The following PPFIA4 variants were observed in gnomAD, a reference collection of about 807,000 sequenced individuals.
PPFIA4 encodes the protein liprin-alpha-4.
PPFIA4 carries 98 observed loss-of-function variants against 145.7 expected under a neutral mutation model. The ratio of observed to expected loss-of-function variants is 0.67; its 90% CI spans 0.57 to 0.80. PPFIA4 has a LOEUF of 0.80. Ranked by LOEUF, PPFIA4 falls within the 30% of genes least tolerant of loss-of-function variation. The probability of loss-of-function intolerance (pLI) is 0.00; values close to 1 mark genes in which losing one functional copy is unlikely to be tolerated. For missense variants in PPFIA4, 1,457 were observed against 1,632.7 expected (o/e 0.89, Z 1.85); for synonymous variants, 628 against 649.6 (o/e 0.97, Z 0.51).
chr1:203,076,253 G>A (rs1662532806), intron 29 of PPFIA4, 88 bp from the exon 30 acceptor site: 5 of 1,424,656 alleles, frequency 3.5e-6, no homozygotes, highest in South Asian at 3.5e-5. Flanking sequence ...ACGCTGCGTT[G>A]CCGCTGTCGC....
intron 23 of PPFIA4, chr1:203,061,411 G>A (rs1467809137): frequency 2.0e-6 from 1 of 512,546 alleles, no homozygotes; most frequent in Non-Finnish European, 3.5e-6. Context: ...ATCTTGCCTG[G>A]CTCCCAGTCA....
chr1:203,045,694 G>C, intron 7 of PPFIA4, 135 bp downstream of exon 7: 2 of 1,456,114 alleles, frequency 1.4e-6, no homozygotes, highest in Non-Finnish European at 1.8e-6. Flanking sequence ...GGTCATGGAA[G>C]GGGTGGGCCA....
chr1:203,075,759 T>G lies in PPFIA4; in HGVS notation c.3574+2T>G. The G allele has an allele frequency of 1.5e-6, 2 of 1,361,908 alleles. No individual in the cohort carries two copies. Among genetic ancestry groups the G allele is most frequent in the Non-Finnish European group, 1.9e-6 (2 of 1,051,584 alleles). The allele number at this position is 1,361,908 out of a possible 1,614,324, so 84.4% of individuals were successfully genotyped here. ...CGCCAAAGAAGATCATGCCTGAAGG[T>G]GAGTAACAGGCGGGCTGGGCATGGC... is the stretch of plus-strand genomic sequence containing the variant. On this transcript the variant is annotated splice_donor_variant, in intron 29 of 29. Transcript: ENST00000295706. LOFTEE classifies it high-confidence loss of function. This position sits in a 1 kb window ranked among gnomAD's most constrained non-coding sequence, Gnocchi z 4.1.
intron 13 of PPFIA4, 160 bp from the exon 14 acceptor site, chr1:203,051,609 G>A (rs1306241816): frequency 1.5e-6 from 2 of 1,359,664 alleles, no homozygotes; most frequent in Admixed American, 5.4e-5. Context: ...CTGCTCTCTT[G>A]CTTACACGGC....
intron 15 of PPFIA4, 120 bp downstream of exon 15, chr1:203,054,081 C>A: frequency 8.6e-7 from 1 of 1,159,234 alleles, no homozygotes; most frequent in Non-Finnish European, 1.2e-6. Flanking sequence ...TACCACAGTT[C>A]AGGGACCCTC....
chr1:203,059,379 G>A, intron 20 of PPFIA4, 108 bp downstream of exon 20: 3 of 980,104 alleles, frequency 3.1e-6, no homozygotes, highest in Non-Finnish European at 4.7e-6. Context: ...CCCCAGCAAG[G>A]CCCTTCCTGA....
intron 7 of PPFIA4, 138 bp from the exon 8 acceptor site, chr1:203,045,703 C>T: frequency 1.4e-6 from 2 of 1,469,462 alleles, no homozygotes; most frequent in Non-Finnish European, 1.8e-6. Context: ...AGGGGTGGGC[C>T]AAAGCCAGAA....
In PPFIA4 at chr1:203,076,357, C is replaced by G. The variant is rs1445500185; in HGVS notation, c.3591C>G (p.Leu1197=). 6.2e-7 allele frequency: 1 copy of G among 1,607,410 alleles called. No individual in the cohort carries two copies. Among genetic ancestry groups the G allele is most frequent in the East Asian group, 2.2e-5 (1 of 44,882 alleles). ...KIMPEAHSHY[L]YGHMLSAFRD ...CTCCCTCAGCTCACTCCCACTATCT[C>G]TACGGACACATGCTCTCCGCCTTCC... The change falls in exon 30 of 30, where the codon CTC becomes CTG. Residue 1197 remains leucine, a synonymous_variant. Coordinates refer to ENST00000295706, the MANE Select transcript of PPFIA4 (RefSeq NM_001304331.2).
At chr1:203,062,667 G>A (rs1045707030) in intron 24 of PPFIA4, among the ~76,000 whole-genome samples, 1 of 152,054 alleles carries the variant, frequency 6.6e-6, no homozygotes, top group Non-Finnish European at 1.5e-5. Context: ...CTTGGCAGAG[G>A]TGATGGGTCG....
In PPFIA4 at chr1:203,071,701, G is replaced by A. The variant is rs1223481866; in HGVS notation, c.3334G>A (p.Val1112Met). ...GCTCTATGGACTGCAGGCACGCCAA[G>A]TGATGGAAAGAGAGTTCAATAACCT... Reference protein sequence around the residue: ...IPTQNTQARQVMEREFNNLLA... With the variant: ...IPTQNTQARQMMEREFNNLLA... Residue 1112 changes from valine (V) to methionine (M), a missense_variant, in exon 28 of 30, where the codon GTG (valine) becomes ATG (methionine). Val to Met is a conservative substitution (Grantham distance 21). This residue lies in a region of PPFIA4 where 848 missense variants were observed against 1,046.7 expected (regional missense o/e 0.81). Coordinates refer to ENST00000295706, the MANE Select transcript of PPFIA4 (RefSeq NM_001304331.2). The A allele has an allele frequency of 2.5e-6, 4 of 1,612,234 alleles. No homozygotes were observed. The highest frequency in any genetic ancestry group is 2.5e-6 in the Non-Finnish European group (3 of 1,178,790).
chr1:203,054,020 T>C, intron 15 of PPFIA4, 59 bp downstream of exon 15: 1 of 1,520,676 alleles, frequency 6.6e-7, no homozygotes, highest in Non-Finnish European at 8.9e-7. Context: ...GCCCTTTGTG[T>C]TGGAAAAACC....
chr1:203,053,342 G>A (rs905087708), intron 14 of PPFIA4, among the ~76,000 whole-genome samples: 49 of 151,996 alleles, frequency 3.2e-4, no homozygotes, highest in Admixed American at 3.9e-4. Context: ...CTACCAGCCT[G>A]GGCAACATGG....
chr1:203,048,640 G>T lies in PPFIA4; in HGVS notation c.1282G>T (p.Asp428Tyr), dbSNP rs767356684. The change falls in exon 11 of 30, where the codon GAC becomes TAC. Residue 428 changes from aspartate (D) to tyrosine (Y), a missense_variant. Around this residue, in one of 3 missense-constraint regions of PPFIA4, gnomAD observed 848 missense variants for 1,046.7 expected, o/e 0.81. Coordinates refer to ENST00000295706, the MANE Select transcript of PPFIA4 (RefSeq NM_001304331.2). The surrounding 1 kb of genome is among the most constrained non-coding windows in gnomAD (Gnocchi z 5.8). ...DHNKRLSDTV[D>Y]RLLSESNERL... Reference sequence around the variant, plus strand: ...CAACAAGCGGCTGTCGGACACAGTGGACCGGCTGCTCAGCGAGTCCAACGA... The same window carrying T: ...CAACAAGCGGCTGTCGGACACAGTGTACCGGCTGCTCAGCGAGTCCAACGA... 6.2e-7 allele frequency: 1 copy of T among 1,604,634 alleles called. No homozygotes were observed. The highest frequency in any genetic ancestry group is 2.2e-5 in the East Asian group (1 of 44,456).
Position 203,045,445 on chromosome 1 carries a change from A to T in PPFIA4, c.744A>T (p.Arg248=). 1 of 1,609,992 alleles carries T rather than the reference A, an allele frequency of 6.2e-7. No individual in the cohort carries two copies. The highest frequency in any genetic ancestry group is 8.5e-7 in the Non-Finnish European group (1 of 1,178,802). The change falls in exon 7 of 30, where the codon CGA becomes CGT. Residue 248 remains arginine (R), a synonymous_variant. Transcript: ENST00000295706. ...QNFELSQARE[R]LVTLTTTVTE... Reference sequence around the variant, plus strand: ...TTGAGTTGAGCCAGGCCCGGGAGCGACTGGTCACCCTAACAACAACCGTGA... The same window carrying T: ...TTGAGTTGAGCCAGGCCCGGGAGCGTCTGGTCACCCTAACAACAACCGTGA...
At chr1:203,032,430 T>TTTTTTTGTTGTTG (rs57892403) in intron 1 of PPFIA4, among the ~76,000 whole-genome samples, 2,881 of 139,440 alleles carry the variant, frequency 0.021, 52 homozygotes, top group Non-Finnish European at 0.027. Context: ...TCCCCGCTTT[T>TTTTTTTGTTGTTG]TTGTTGTTGT....
At position 203,056,834 on chromosome 1, in the gene PPFIA4, A is replaced by G; in HGVS notation, c.2291A>G (p.Asp764Gly). ...SNPSSSNSSQ[D>G]SLHKGAKRKG... is the part of the protein sequence containing the mutation. ...CCCAGCAGCAGCAACAGCAGCCAGG[A>G]CTCCCTGCACAAGGGCGCCAAGCGC... The change falls in exon 19 of 30, where the codon GAC (aspartate) becomes GGC (glycine). Residue 764 changes from aspartate (D) to glycine (G), a missense_variant. Physicochemically the swap from Asp to Gly is moderately conservative, Grantham distance 94. Around this residue, in one of 3 missense-constraint regions of PPFIA4, gnomAD observed 848 missense variants for 1,046.7 expected, o/e 0.81. Transcript: ENST00000295706. 1 of 1,613,830 alleles carries G rather than the reference A, an allele frequency of 6.2e-7. No individual in the cohort carries two copies. Among genetic ancestry groups the G allele is most frequent in the Non-Finnish European group, 8.5e-7 (1 of 1,179,844 alleles).
intron 1 of PPFIA4, among the ~76,000 whole-genome samples, chr1:203,028,287 AG>A (rs1203311367): frequency 6.6e-6 from 1 of 152,022 alleles, no homozygotes; most frequent in Non-Finnish European, 1.5e-5. Context: ...GGAGGGCTGG[AG>A]GGGCAGGGCA....
Position 203,076,255 on chromosome 1 carries a change from C to T in PPFIA4, c.3575-86C>T, listed in dbSNP as rs187799849. Reference sequence around the variant, plus strand: ...TTGCGCTTGGAGCACGCTGCGTTGCCGCTGTCGCACACATCCTACAACCTC... The same window carrying T: ...TTGCGCTTGGAGCACGCTGCGTTGCTGCTGTCGCACACATCCTACAACCTC... On this transcript the variant is annotated intron_variant, in intron 29 of 29. Transcript: ENST00000295706. 2,264 of 1,439,688 alleles carry T rather than the reference C, an allele frequency of 1.6e-3. 6 individuals are homozygous for T. The highest frequency in any genetic ancestry group is 2.0e-3 in the Non-Finnish European group (2,063 of 1,035,488). 89.2% of individuals were successfully genotyped at this position (1,439,688 alleles called of 1,614,324 possible).
At chr1:203,072,895 C>A in intron 28 of PPFIA4, among the ~76,000 whole-genome samples, 1 of 146,590 alleles carries the variant, frequency 6.8e-6, no homozygotes, top group South Asian at 2.2e-4. Flanking sequence ...AGCCCCCCCT[C>A]CCCCGACCCA....
Sources: allele counts gnomAD v4.1 joint callset (sites outside exome capture counted in the v4.1 genomes callset), GRCh38; gene constraint gnomAD v4.1.1; regional missense constraint gnomAD v4.1.1; non-coding constraint Gnocchi (gnomAD v3.1); transcripts MANE v1.5; gene names NCBI Gene and HGNC (gene_info 2026-07-23, HGNC 2026-07-21).